The following ZFYVE28 variants were observed in gnomAD, a reference collection of about 807,000 sequenced individuals.
ZFYVE28 encodes lateral signaling target protein 2 homolog.
ZFYVE28 carries 40 observed loss-of-function variants against 82.1 expected under a neutral mutation model. The observed-to-expected ratio is 0.49, with a 90% CI of 0.38 to 0.63. The LOEUF is 0.63. Among genes scored for constraint, ZFYVE28 ranks in the 30% least tolerant of loss-of-function variants. The pLI is 0.00. For synonymous variants in ZFYVE28, 612 were observed against 546.1 expected, an observed-to-expected ratio of 1.12 and a Z score of -1.68; for missense variants, 1,321 against 1,242.1, an observed-to-expected ratio of 1.06 and a Z score of -0.96.
intron 1 of ZFYVE28, among the ~76,000 whole-genome samples, chr4:2,399,392 C>A (rs71606392): frequency 6.6e-6 from 1 of 152,274 alleles, no homozygotes; most frequent in South Asian, 2.1e-4. Context: ...TGGGCTGGCC[C>A]GTGACTTGCC....
At chr4:2,305,564 G>T in intron 7 of ZFYVE28, 28 bp from the exon 8 acceptor site, 1 of 1,612,364 alleles carries the variant, frequency 6.2e-7, no homozygotes, top group South Asian at 1.1e-5. Flanking sequence ...ACCCAAGGGT[G>T]AGGGTCCCAA....
At chr4:2,319,275 G>C (rs1269771044) in intron 7 of ZFYVE28, among the ~76,000 whole-genome samples, 1 of 152,122 alleles carries the variant, frequency 6.6e-6, no homozygotes, top group East Asian at 1.9e-4. Context: ...CAAGCAGGAG[G>C]AAAGCAGCGA....
intron 1 of ZFYVE28, among the ~76,000 whole-genome samples, chr4:2,405,557 C>A (rs1191195743): frequency 6.6e-6 from 1 of 152,198 alleles, no homozygotes; most frequent in African/African-American, 2.4e-5. Flanking sequence ...TTGAGCAGGC[C>A]CAGGCTCTGA....
At chr4:2,381,651 C>T (rs1486514417) in intron 1 of ZFYVE28, among the ~76,000 whole-genome samples, 2 of 152,234 alleles carry the variant, frequency 1.3e-5, no homozygotes, top group Non-Finnish European at 2.9e-5. Flanking sequence ...AAATGATCTT[C>T]CCACCTCAGC....
rs116944194 is a variant in ZFYVE28 at position 2,391,525 on chromosome 4, T to A, written c.39+26760A>T. Among the ~76,000 whole-genome samples, 973 of 151,282 alleles carry A rather than the reference T, an allele frequency of 6.4e-3. 68 individuals carry two copies. In the East Asian group the frequency reaches 0.16, roughly 24 times the overall value. ...TAAAATTTGCCATTTTCACCCTTTT[T>A]AAGTCTACAGCTCAGTGGCATAAGC... On this transcript the variant is annotated intron_variant, in intron 1 of 12. Coordinates refer to ENST00000290974, the MANE Select transcript of ZFYVE28 (RefSeq NM_020972.3).
rs527491557 is a variant in ZFYVE28, at chr4:2,314,843, A to G, written c.803+5327T>C. Among the ~76,000 whole-genome samples the G allele has an allele frequency of 2.7e-4, 41 of 152,324 alleles. No homozygotes were observed. The South Asian group carries it at 6.6e-3, about 25-fold the overall frequency. On this transcript the variant is annotated intron_variant, in intron 7 of 12. Transcript: ENST00000290974. ...ATCCAAGCTGGAGTGCAGTGGCACA[A>G]TCATAGCTCACTGCAACCTCAAACT...
chr4:2,271,877 G>A, intron 10 of ZFYVE28, 98 bp from the exon 11 acceptor site: 1 of 1,124,016 alleles, frequency 8.9e-7, no homozygotes, highest in Non-Finnish European at 1.3e-6. Flanking sequence ...GCTTCCAGCA[G>A]TCGGTCAGCT....
chr4:2,389,568 C>G (rs562359491), intron 1 of ZFYVE28, among the ~76,000 whole-genome samples: 3 of 152,312 alleles, frequency 2.0e-5, no homozygotes, highest in African/African-American at 4.8e-5. Flanking sequence ...AGATTAGGGA[C>G]AAGCTGCCCA....
At chr4:2,357,744 G>C (rs1244096096) in intron 1 of ZFYVE28, among the ~76,000 whole-genome samples, 3 of 152,188 alleles carry the variant, frequency 2.0e-5, no homozygotes, top group Non-Finnish European at 4.4e-5. Flanking sequence ...GCCAGGTACT[G>C]AATTTAGGGC....
chr4:2,331,570 C>A (rs1720714687), intron 6 of ZFYVE28, among the ~76,000 whole-genome samples: 1 of 152,104 alleles, frequency 6.6e-6, no homozygotes, highest in Non-Finnish European at 1.5e-5. Flanking sequence ...ACCAGTTTGT[C>A]AAAGAGTCTG....
intron 7 of ZFYVE28, among the ~76,000 whole-genome samples, chr4:2,307,280 T>C (rs1388836824): frequency 3.3e-5 from 5 of 152,220 alleles, no homozygotes; most frequent in South Asian, 4.1e-4. Flanking sequence ...GAGTTCTTTA[T>C]ATATTTTGGA....
intron 10 of ZFYVE28, among the ~76,000 whole-genome samples, 156 bp from the exon 11 acceptor site, chr4:2,271,935 G>A (rs574240369): frequency 2.6e-5 from 4 of 152,336 alleles, no homozygotes; most frequent in African/African-American, 9.6e-5. Context: ...ACAGCAGGTT[G>A]GGCGCCGATC....
chr4:2,345,634 G>A (rs1723422559), intron 2 of ZFYVE28, among the ~76,000 whole-genome samples: 1 of 151,434 alleles, frequency 6.6e-6, no homozygotes, highest in African/African-American at 2.4e-5. Context: ...AATATTTGGA[G>A]GAATAATGGC....
intron 8 of ZFYVE28, among the ~76,000 whole-genome samples, chr4:2,298,359 G>A (rs1263538658): frequency 6.6e-6 from 1 of 152,184 alleles, no homozygotes; most frequent in African/African-American, 2.4e-5. Context: ...TTTTGCATAT[G>A]ACAAAACTGA....
At chr4:2,279,593 C>A (rs888770987) in intron 8 of ZFYVE28, among the ~76,000 whole-genome samples, 1 of 152,096 alleles carries the variant, frequency 6.6e-6, no homozygotes, top group Non-Finnish European at 1.5e-5. Flanking sequence ...TCCTGGCTAA[C>A]ACGATGAAAC....
Position 2,339,717 on chromosome 4 carries a change from G to A in ZFYVE28, c.319-62C>T, listed in dbSNP as rs1408562729. On this transcript the variant is annotated intron_variant, in intron 3 of 12. Transcript: ENST00000290974. The surrounding 1 kb of genome is among the most constrained non-coding windows in gnomAD (Gnocchi z 5.0). ...GAGGGCCAGGCTCTCAGGGGTCGCCGACCCGGGGAACCTGACTGCGCACCT... is the reference window on the plus strand; with the variant it reads ...GAGGGCCAGGCTCTCAGGGGTCGCCAACCCGGGGAACCTGACTGCGCACCT... 11 of 1,487,564 alleles carry A rather than the reference G, an allele frequency of 7.4e-6. No individual in the cohort carries two copies. Among genetic ancestry groups the A allele is most frequent in the South Asian group, 5.1e-5 (4 of 78,638 alleles). The allele number at this position is 1,487,564 out of a possible 1,614,324, so 92.1% of individuals were successfully genotyped here.
chr4:2,400,647 G>T (rs988844767), intron 1 of ZFYVE28, among the ~76,000 whole-genome samples: 1 of 152,178 alleles, frequency 6.6e-6, no homozygotes, highest in Non-Finnish European at 1.5e-5. Context: ...AGCAAGGAGA[G>T]CCGAGTCCCA....
chr4:2,356,879 G>C (rs566651018), intron 1 of ZFYVE28, among the ~76,000 whole-genome samples: 3 of 152,244 alleles, frequency 2.0e-5, no homozygotes, highest in African/African-American at 7.2e-5. Context: ...TGCTTCAGAT[G>C]CAAAGGTCAT....
chr4:2,337,196 C>T (rs181116010), intron 5 of ZFYVE28, among the ~76,000 whole-genome samples: 1,568 of 152,154 alleles, frequency 0.01, 10 homozygotes, highest in Non-Finnish European at 0.018. Flanking sequence ...GGAAGGGGGC[C>T]GGGCAGAGGT....
Sources: gnomAD v4.1 joint callset for allele counts (sites outside exome capture counted in the v4.1 genomes callset) on GRCh38, gnomAD v4.1.1 for gene constraint, Gnocchi (gnomAD v3.1) non-coding constraint, MANE v1.5 for transcripts, NCBI Gene and HGNC (gene_info 2026-07-23, HGNC 2026-07-21) for gene names.